Variants in SHC1 observed in about 807,000 individuals in gnomAD.
SHC1 encodes the protein SHC-transforming protein 1.
Under a neutral mutation model 55.9 loss-of-function variants are expected in SHC1, and 30 were observed. The observed-to-expected ratio is 0.54, with a 90% CI of 0.40 to 0.73. SHC1 has a LOEUF of 0.73. Among genes scored for constraint, SHC1 ranks in the 30% least tolerant of loss-of-function variants. The pLI is 0.00. For missense variants in SHC1, 675 were observed against 777.1 expected (o/e 0.87, Z 1.56); for synonymous variants, 309 against 306.1 (o/e 1.01, Z -0.10).
intron 11 of SHC1, chr1:154,964,199 T>G: frequency 1.8e-6 from 1 of 555,152 alleles, no homozygotes; most frequent in Non-Finnish European, 3.6e-6. Context: ...TTTCTTGACC[T>G]GGAGGAAGTT....
At chr1:154,969,256 A>G (rs1484412535) in intron 2 of SHC1, 122 bp downstream of exon 2, 7 of 704,464 alleles carry the variant, frequency 9.9e-6, no homozygotes, top group South Asian at 1.7e-5. Flanking sequence ...CTTTCTCTCA[A>G]TCCCCTTTAC....
At position 154,965,969 on chromosome 1, in the gene SHC1, G is replaced by A. The variant is rs750008315; in HGVS notation, c.1364C>T (p.Ala455Val). The change falls in exon 10 of 12, where the codon GCA becomes GTA. Residue 455 changes from alanine to valine, a missense_variant. By Grantham distance (64) the Ala-to-Val change is moderately conservative. Coordinates refer to ENST00000448116, the MANE Select transcript of SHC1 (RefSeq NM_001130040.2). ...GPPNPAINGS[A>V]PRDLFDMKPF... is the part of the protein sequence containing the mutation. ...ACTCATGTCAAACAGGTCCCGGGGT[G>A]CACTGCCATTGATAGCAGGATTGGG... The A allele has an allele frequency of 1.4e-5, 23 of 1,613,466 alleles. No individual in the cohort carries two copies. The highest frequency in any genetic ancestry group is 3.3e-5 in the Admixed American group (2 of 59,944).
chr1:154,963,760 A>C lies in SHC1; in HGVS notation c.*43T>G. 6.2e-7 allele frequency: 1 copy of C among 1,607,126 alleles called. No homozygotes were observed. The highest frequency in any genetic ancestry group is 8.5e-7 in the Non-Finnish European group (1 of 1,175,608). ...TCCCGAGAGTTAGGGAATAGGGTGG[A>C]AAGGATTGGAGGGCATCTTCTGGAA... On this transcript the variant is annotated 3_prime_UTR_variant, in exon 12 of 12. Coordinates refer to ENST00000448116, the MANE Select transcript of SHC1 (RefSeq NM_001130040.2).
At chr1:154,965,020 C>T (rs766216231) in intron 11 of SHC1, among the ~76,000 whole-genome samples, 24 of 152,130 alleles carry the variant, frequency 1.6e-4, no homozygotes, top group South Asian at 2.1e-4. Flanking sequence ...GATTTGAGGA[C>T]GGGCCAGGAC....
In SHC1 at chr1:154,970,102, T is replaced by C. The variant is rs747663374; in HGVS notation, c.425A>G (p.Asn142Ser). Residue 142 changes from asparagine to serine, a missense_variant, in exon 1 of 12, where the codon AAT (asparagine) becomes AGT (serine). Coordinates refer to ENST00000448116, the MANE Select transcript of SHC1 (RefSeq NM_001130040.2). This position sits in a 1 kb window ranked among gnomAD's most constrained non-coding sequence, Gnocchi z 5.5. ...ATGCAGCCAGCCCCGCGTGGGCTTA[T>C]TGACAAAGCTCCCGTGGCGGGTCCA... ...EEWTRHGSFV[N>S]KPTRGWLHPN... 5 of 1,613,976 alleles carry C rather than the reference T, an allele frequency of 3.1e-6. No individual in the cohort carries two copies. The highest frequency in any genetic ancestry group is 1.7e-4 in the Middle Eastern group (1 of 6,060).
chr1:154,967,860 C>T, intron 6 of SHC1, 63 bp from the exon 7 acceptor site: 4 of 1,605,848 alleles, frequency 2.5e-6, no homozygotes, highest in Non-Finnish European at 1.7e-6. Context: ...AGACAGGGGC[C>T]CTCATCTTCC....
At position 154,969,375 on chromosome 1, in the gene SHC1, A is replaced by T; in HGVS notation, c.566+3T>A. On this transcript the variant is annotated splice_donor_region_variant and intron_variant, in intron 2 of 11. Transcript: ENST00000448116. ...TCCCACAATCCACTCCCTCCCCACT[A>T]ACCTGGTGACCTGAGTCCGGGTGTT... The T allele has an allele frequency of 6.2e-7, 1 of 1,605,122 alleles. No homozygotes were observed. The highest frequency in any genetic ancestry group is 8.5e-7 in the Non-Finnish European group (1 of 1,173,600).
At chr1:154,973,529 A>AAAAG (rs1656950414), upstream of SHC1, 1 of 151,970 alleles carries the variant, frequency 6.6e-6, no homozygotes, top group Non-Finnish European at 1.5e-5. Context: ...AAAAAAAAAA[A>AAAAG]AAAAAAGATA....
chr1:154,963,618 G>C lies in SHC1; in HGVS notation c.*185C>G. 1 of 594,274 alleles carries C rather than the reference G, an allele frequency of 1.7e-6. No individual in the cohort carries two copies. The allele number at this position is 594,274 out of a possible 1,614,324, so 36.8% of individuals were successfully genotyped here. Reference sequence around the variant, plus strand: ...GTGATTAATGTTTGGGGAGAGGCAGGATTCTCACCCAGGCTTTTGACTCAA... The same window carrying C: ...GTGATTAATGTTTGGGGAGAGGCAGCATTCTCACCCAGGCTTTTGACTCAA... On this transcript the variant is annotated 3_prime_UTR_variant, in exon 12 of 12. Transcript: ENST00000448116.
chr1:154,966,393 C>G lies in SHC1; in HGVS notation c.1108G>C (p.Glu370Gln), dbSNP rs778934393. The G allele has an allele frequency of 1.9e-6, 3 of 1,614,084 alleles. No homozygotes were observed. In the East Asian group the frequency reaches 6.7e-5, roughly 36 times the overall value. ...CGAGCAGCCCCTGGAGCGGCTCCTTCCCGAAGCCTCATGTCTACCACCCCC... is the reference window on the plus strand; with the variant it reads ...CGAGCAGCCCCTGGAGCGGCTCCTTGCCGAAGCCTCATGTCTACCACCCCC... ...LGGVVDMRLR[E>Q]GAAPGAARPT... The change falls in exon 8 of 12, where the codon GAA becomes CAA. Residue 370 changes from glutamate (E) to glutamine (Q), a missense_variant. Physicochemically the swap from Glu to Gln is conservative, Grantham distance 29. Around this residue, in one of 3 missense-constraint regions of SHC1, gnomAD observed 360 missense variants for 371.1 expected, o/e 0.97. Coordinates refer to ENST00000448116, the MANE Select transcript of SHC1 (RefSeq NM_001130040.2).
chr1:154,963,703 A>C lies in SHC1; in HGVS notation c.*100T>G. ...CCATGCTACTCCCAGCTCTGACACA[A>C]GGCCAAGCCCACAGAACACTCCCAA... On this transcript the variant is annotated 3_prime_UTR_variant, in exon 12 of 12. Coordinates refer to ENST00000448116, the MANE Select transcript of SHC1 (RefSeq NM_001130040.2). The C allele has an allele frequency of 7.4e-7, 1 of 1,344,022 alleles. No individual in the cohort carries two copies. Among genetic ancestry groups the C allele is most frequent in the Non-Finnish European group, 1.0e-6 (1 of 964,254 alleles). The allele number at this position is 1,344,022 out of a possible 1,614,324, so 83.3% of individuals were successfully genotyped here. A position where few individuals can be genotyped will look rare whatever the true frequency, so the allele number is the denominator to read the frequency against.
chr1:154,967,974 C>T lies in SHC1; in HGVS notation c.856+6G>A. The T allele has an allele frequency of 6.2e-7, 1 of 1,614,132 alleles. No homozygotes were observed. Among genetic ancestry groups the T allele is most frequent in the Non-Finnish European group, 8.5e-7 (1 of 1,179,962 alleles). Reference sequence around the variant, plus strand: ...GACCCACCCAGTGCTCCCCACCATGCCTCACCTCTCTGATTCACAGGGTCT... The same window carrying T: ...GACCCACCCAGTGCTCCCCACCATGTCTCACCTCTCTGATTCACAGGGTCT... On this transcript the variant is annotated splice_donor_region_variant and intron_variant, in intron 6 of 11. Transcript: ENST00000448116.
Position 154,965,950 on chromosome 1 carries a change from G to A in SHC1, c.1383C>T (p.Asp461=), listed in dbSNP as rs1655909877. 7 of 1,610,482 alleles carry A rather than the reference G, an allele frequency of 4.3e-6. No individual in the cohort carries two copies. The South Asian group carries it at 5.5e-5, about 13-fold the overall frequency. ...AGGAGAGAGACGAGCACTCACTCAT[G>A]TCAAACAGGTCCCGGGGTGCACTGC... ...INGSAPRDLF[D]MKPFEDALRV... is the part of the protein sequence containing the mutation. Residue 461 remains aspartate, a synonymous_variant, in exon 10 of 12, where the codon GAC becomes GAT. Coordinates refer to ENST00000448116, the MANE Select transcript of SHC1 (RefSeq NM_001130040.2).
At position 154,967,960 on chromosome 1, in the gene SHC1, T is replaced by C. The variant is rs1251911869; in HGVS notation, c.856+20A>G. ...TCCTCAAACAGCCAGACCCACCCAGTGCTCCCCACCATGCCTCACCTCTCT... is the reference window on the plus strand; with the variant it reads ...TCCTCAAACAGCCAGACCCACCCAGCGCTCCCCACCATGCCTCACCTCTCT... On this transcript the variant is annotated intron_variant, in intron 6 of 11. Transcript: ENST00000448116. The C allele has an allele frequency of 6.2e-7, 1 of 1,612,998 alleles. No homozygotes were observed. Among genetic ancestry groups the C allele is most frequent in the Non-Finnish European group, 8.5e-7 (1 of 1,179,596 alleles).
chr1:154,968,931 A>C, intron 2 of SHC1, 97 bp from the exon 3 acceptor site: 1 of 1,035,968 alleles, frequency 9.7e-7, no homozygotes, highest in South Asian at 1.3e-5. Flanking sequence ...GCCAGGCCAG[A>C]CTCCCAGGGC....
chr1:154,964,702 G>A (rs1655723494), intron 11 of SHC1, among the ~76,000 whole-genome samples: 1 of 152,160 alleles, frequency 6.6e-6, no homozygotes, highest in African/African-American at 2.4e-5. Flanking sequence ...CTGGCCTCAA[G>A]CAATCCTCCC....
At chr1:154,967,534 G>A in intron 7 of SHC1, 137 bp downstream of exon 7, 1 of 926,696 alleles carries the variant, frequency 1.1e-6, no homozygotes, top group Non-Finnish European at 1.6e-6. Context: ...ACAGGAAACA[G>A]AAGAATAGCA....
In SHC1 at chr1:154,963,699, C is replaced by A. The variant is rs2102014262; in HGVS notation, c.*104G>T. The A allele has an allele frequency of 7.6e-7, 1 of 1,311,270 alleles. No homozygotes were observed. The highest frequency in any genetic ancestry group is 1.1e-6 in the Non-Finnish European group (1 of 936,950). 81.2% of individuals were successfully genotyped at this position (1,311,270 alleles called of 1,614,324 possible). A position where few individuals can be genotyped will look rare whatever the true frequency, so the allele number is the denominator to read the frequency against. ...GAGTCCATGCTACTCCCAGCTCTGA[C>A]ACAAGGCCAAGCCCACAGAACACTC... On this transcript the variant is annotated 3_prime_UTR_variant, in exon 12 of 12. Coordinates refer to ENST00000448116, the MANE Select transcript of SHC1 (RefSeq NM_001130040.2).
In SHC1 at chr1:154,970,288, G is replaced by C; in HGVS notation, c.239C>G (p.Ser80Cys). ...LANPAGGRPGSKGEPGRAADD... is the reference protein window; with the variant it reads ...LANPAGGRPGCKGEPGRAADD... The stretch of plus-strand genomic sequence containing the variant: ...AGCTGCCCTTCCTGGCTCCCCCTTA[G>C]ACCCTGGGCGCCCCCCAGCCGGGTT... The change falls in exon 1 of 12, where the codon TCT becomes TGT. Residue 80 changes from serine to cysteine, a missense_variant. By Grantham distance (112) the Ser-to-Cys change is moderately radical (BLOSUM62 -1). Coordinates refer to ENST00000448116, the MANE Select transcript of SHC1 (RefSeq NM_001130040.2). The surrounding 1 kb of genome is among the most constrained non-coding windows in gnomAD (Gnocchi z 5.5). 1 of 1,605,954 alleles carries C rather than the reference G, an allele frequency of 6.2e-7. No individual in the cohort carries two copies. Among genetic ancestry groups the C allele is most frequent in the Non-Finnish European group, 8.5e-7 (1 of 1,175,208 alleles).
Sources: allele counts gnomAD v4.1 joint callset (sites outside exome capture counted in the v4.1 genomes callset), GRCh38; gene constraint gnomAD v4.1.1; regional missense constraint gnomAD v4.1.1; non-coding constraint Gnocchi (gnomAD v3.1); transcripts MANE v1.5; gene names NCBI Gene and HGNC (gene_info 2026-07-23, HGNC 2026-07-21).